The following FAM241A variants were observed in gnomAD, a reference collection of about 807,000 sequenced individuals.
FAM241A encodes family with sequence similarity 241 member A, also known as uncharacterized protein FAM241A.
FAM241A carries 7 observed loss-of-function variants against 12.2 expected under a neutral mutation model. That is an observed-to-expected ratio of 0.58 (90% confidence interval 0.33 to 1.08). The LOEUF is 1.08. Ranked by LOEUF, FAM241A falls within the 50% of genes least tolerant of loss-of-function variation. The probability of loss-of-function intolerance (pLI) is 0.04; values close to 1 mark genes in which losing one functional copy is unlikely to be tolerated. For missense variants in FAM241A, 161 were observed against 169.7 expected (o/e 0.95, Z 0.29); for synonymous variants, 74 against 68.2 (o/e 1.08, Z -0.42).
chr4:112,182,772 G>A (rs75123599), intron 1 of FAM241A, among the ~76,000 whole-genome samples: 2 of 152,000 alleles, frequency 1.3e-5, no homozygotes, highest in African/African-American at 4.8e-5. Context: ...ATTGGCAAAC[G>A]CTGTAAAATA....
intron 1 of FAM241A, among the ~76,000 whole-genome samples, chr4:112,162,247 C>T (rs528653494): frequency 6.9e-4 from 105 of 152,212 alleles, no homozygotes; most frequent in African/African-American, 2.3e-3. Flanking sequence ...TGAAAACTGG[C>T]GCAGGACAGG....
intron 1 of FAM241A, among the ~76,000 whole-genome samples, chr4:112,159,724 A>G (rs1477180011): frequency 6.6e-6 from 1 of 152,250 alleles, no homozygotes; most frequent in Non-Finnish European, 1.5e-5. Flanking sequence ...AAAATTCAAC[A>G]TCCCTTCATG....
At chr4:112,166,295 C>T (rs1272273074) in intron 1 of FAM241A, among the ~76,000 whole-genome samples, 2 of 151,862 alleles carry the variant, frequency 1.3e-5, no homozygotes, top group East Asian at 3.9e-4. Context: ...TGGTCTCGAT[C>T]TCCTGACCTC....
chr4:112,193,245 T>G lies in FAM241A; in HGVS notation c.*6307T>G, dbSNP rs923076168. On this transcript the variant is annotated 3_prime_UTR_variant, in exon 2 of 2. Transcript: ENST00000309733. ...TGAGTTCATTGTAGATTCTGGATATTAGCCCTTTGTCAGATGAGTAGGTTG... is the reference window on the plus strand; with the variant it reads ...TGAGTTCATTGTAGATTCTGGATATGAGCCCTTTGTCAGATGAGTAGGTTG... The G allele has an allele frequency of 7.2e-5, 11 of 152,064 alleles. No homozygotes were observed. Among genetic ancestry groups the G allele is most frequent in the African/African-American group, 2.7e-4 (11 of 41,374 alleles). The allele number at this position is 152,064 out of a possible 1,614,324, so 9.4% of individuals were successfully genotyped here. A position where few individuals can be genotyped will look rare whatever the true frequency, so the allele number is the denominator to read the frequency against.
chr4:112,189,093 G>A lies in FAM241A; in HGVS notation c.*2155G>A, dbSNP rs1359574958. ...TAATTTATTTGGTTCATGGTATAAA[G>A]AATTAGATTGGGCCGGGCGCGGTGG... On this transcript the variant is annotated 3_prime_UTR_variant, in exon 2 of 2. Transcript: ENST00000309733. 1 of 152,018 alleles carries A rather than the reference G, an allele frequency of 6.6e-6. No individual in the cohort carries two copies. The highest frequency in any genetic ancestry group is 1.5e-5 in the Non-Finnish European group (1 of 68,016). 9.4% of individuals were successfully genotyped at this position (152,018 alleles called of 1,614,324 possible).
intron 1 of FAM241A, among the ~76,000 whole-genome samples, chr4:112,158,242 G>A (rs1375827779): frequency 2.0e-5 from 3 of 151,972 alleles, no homozygotes; most frequent in African/African-American, 7.2e-5. Context: ...GTCTTTGGGC[G>A]CTCTATATTT....
Position 112,146,001 on chromosome 4 carries a change from G to C in FAM241A, c.153+268G>C, listed in dbSNP as rs1239334966. Among the ~76,000 whole-genome samples, 10 of 152,118 alleles carry C rather than the reference G, an allele frequency of 6.6e-5. No individual in the cohort carries two copies. In the East Asian group the frequency reaches 1.2e-3, roughly 18 times the overall value. On this transcript the variant is annotated intron_variant, in intron 1 of 1. Transcript: ENST00000309733. ...CAGCGTGGTTCGTCCCCTGGCGTCC[G>C]GCAGAGGATTCTCAGGCTGGCGCCC...
rs527460273 is a variant in FAM241A at position 112,159,859 on chromosome 4, T to C, written c.153+14126T>C. Among the ~76,000 whole-genome samples, 10 of 152,256 alleles carry C rather than the reference T, an allele frequency of 6.6e-5. No homozygotes were observed. The South Asian group carries it at 2.1e-3, about 32-fold the overall frequency. On this transcript the variant is annotated intron_variant, in intron 1 of 1. Transcript: ENST00000309733. ...AAAAATGAAAGTCTTTCCTCTAAGA[T>C]CTAGAACATGAGAAGGATGTCCACT...
chr4:112,147,727 A>T (rs1308267301), intron 1 of FAM241A, among the ~76,000 whole-genome samples: 1 of 152,200 alleles, frequency 6.6e-6, no homozygotes, highest in Non-Finnish European at 1.5e-5. Flanking sequence ...TGGTTTAAGG[A>T]TACAAGGACT....
chr4:112,168,221 C>T (rs1723640038), intron 1 of FAM241A, among the ~76,000 whole-genome samples: 1 of 152,196 alleles, frequency 6.6e-6, no homozygotes, highest in Non-Finnish European at 1.5e-5. Flanking sequence ...AGTTTTTTCA[C>T]AAGAAATGTC....
intron 1 of FAM241A, among the ~76,000 whole-genome samples, chr4:112,174,395 T>C (rs1034126916): frequency 6.6e-6 from 1 of 152,198 alleles, no homozygotes; most frequent in Non-Finnish European, 1.5e-5. Flanking sequence ...GACTCACGCC[T>C]GTAATCCCAG....
chr4:112,157,889 C>T (rs978866765), intron 1 of FAM241A, among the ~76,000 whole-genome samples: 7 of 152,066 alleles, frequency 4.6e-5, no homozygotes. Flanking sequence ...TCAGAGACAA[C>T]TTTGTCTACT....
chr4:112,166,923 G>T (rs1723609645), intron 1 of FAM241A, among the ~76,000 whole-genome samples: 1 of 138,276 alleles, frequency 7.2e-6, no homozygotes, highest in African/African-American at 2.8e-5. Context: ...GACCATCCCG[G>T]CTAAAATGGT....
intron 1 of FAM241A, among the ~76,000 whole-genome samples, chr4:112,155,825 A>T (rs1388805988): frequency 6.6e-6 from 1 of 152,224 alleles, no homozygotes; most frequent in East Asian, 1.9e-4. Context: ...TATAGTGTAT[A>T]AAATACACTA....
chr4:112,164,718 A>G (rs952493858), intron 1 of FAM241A, among the ~76,000 whole-genome samples: 1 of 152,246 alleles, frequency 6.6e-6, no homozygotes, highest in Non-Finnish European at 1.5e-5. Context: ...CAAGCGATTA[A>G]TAACCAGAAT....
At chr4:112,173,622 TAGTA>T (rs1455743405) in intron 1 of FAM241A, among the ~76,000 whole-genome samples, 2 of 152,230 alleles carry the variant, frequency 1.3e-5, no homozygotes, top group Non-Finnish European at 2.9e-5. Context: ...TTTTTAATGT[TAGTA>T]AGAACTGCCT....
intron 1 of FAM241A, among the ~76,000 whole-genome samples, chr4:112,178,830 TAAAC>T (rs1369343278): frequency 6.6e-6 from 1 of 151,962 alleles, no homozygotes. Context: ...ACAAAGGACA[TAAAC>T]AGACACTTCT....
intron 1 of FAM241A, among the ~76,000 whole-genome samples, chr4:112,172,418 G>A (rs532959942): frequency 1.3e-5 from 2 of 152,294 alleles, no homozygotes; most frequent in Middle Eastern, 3.4e-3. Flanking sequence ...TCGGTTTGTG[G>A]TTTATCAGTG....
At chr4:112,169,264 G>A (rs1180810805) in intron 1 of FAM241A, among the ~76,000 whole-genome samples, 4 of 152,036 alleles carry the variant, frequency 2.6e-5, no homozygotes, top group Admixed American at 6.6e-5. Context: ...TTCTGGTGCC[G>A]CTGATTTTGA....
Sources: allele counts gnomAD v4.1 joint callset (sites outside exome capture counted in the v4.1 genomes callset), GRCh38; gene constraint gnomAD v4.1.1; transcripts MANE v1.5; gene names NCBI Gene and HGNC (gene_info 2026-07-23, HGNC 2026-07-21).